Variants in STK38 observed in about 807,000 individuals in gnomAD.
STK38 encodes the protein serine/threonine-protein kinase 38.
STK38 carries 26 observed loss-of-function variants against 59.0 expected under a neutral mutation model. The observed-to-expected ratio is 0.44, with a 90% CI of 0.32 to 0.61. The LOEUF is 0.61. STK38 is among the 20% of genes least tolerant of loss of function. STK38 has a pLI of 0.04. For synonymous variants in STK38, 175 were observed against 176.6 expected, an observed-to-expected ratio of 0.99 and a Z score of 0.07; for missense variants, 433 against 566.0, an observed-to-expected ratio of 0.76 and a Z score of 2.38.
At chr6:36,538,305 A>G (rs1258304557) in intron 2 of STK38, among the ~76,000 whole-genome samples, 3 of 152,068 alleles carry the variant, frequency 2.0e-5, no homozygotes, top group Non-Finnish European at 4.4e-5. Context: ...CTCCGTCTCA[A>G]AAAAAGAAAA....
chr6:36,520,556 CAGA>C (rs963606457), intron 5 of STK38, among the ~76,000 whole-genome samples: 1 of 152,122 alleles, frequency 6.6e-6, no homozygotes, highest in Non-Finnish European at 1.5e-5. Context: ...CTAATTAATG[CAGA>C]AGCTTTATAT....
At chr6:36,504,173 G>C (rs1776906278) in intron 9 of STK38, among the ~76,000 whole-genome samples, 1 of 152,206 alleles carries the variant, frequency 6.6e-6, no homozygotes, top group Non-Finnish European at 1.5e-5. Context: ...AAATTAAACT[G>C]ACCAAGATTG....
At chr6:36,532,579 C>T (rs1335355625) in intron 2 of STK38, among the ~76,000 whole-genome samples, 4 of 152,002 alleles carry the variant, frequency 2.6e-5, no homozygotes, top group African/African-American at 9.7e-5. Context: ...AACTCAAGAC[C>T]AGCCTGGCCA....
intron 12 of STK38, among the ~76,000 whole-genome samples, chr6:36,497,486 A>ACTT (rs1192381494): frequency 6.6e-6 from 1 of 152,212 alleles, no homozygotes; most frequent in African/African-American, 2.4e-5. Flanking sequence ...GGGACCTAAG[A>ACTT]GGTTGCTGAG....
intron 2 of STK38, 36 bp from the exon 3 acceptor site, chr6:36,525,678 T>A (rs755596918): frequency 6.4e-7 from 1 of 1,561,008 alleles, no homozygotes; most frequent in Admixed American, 1.7e-5. Flanking sequence ...TGAAATCACA[T>A]CTGAATGATA....
intron 7 of STK38, among the ~76,000 whole-genome samples, chr6:36,511,732 T>A (rs1582421002): frequency 6.6e-6 from 1 of 151,978 alleles, no homozygotes; most frequent in Admixed American, 6.6e-5. Context: ...TGATTACATA[T>A]CTTACCTGGA....
chr6:36,510,932 A>C (rs1777093437), intron 7 of STK38, among the ~76,000 whole-genome samples: 1 of 152,156 alleles, frequency 6.6e-6, no homozygotes, highest in Non-Finnish European at 1.5e-5. Flanking sequence ...TGCATGTAAG[A>C]CTCCCAACAC....
At chr6:36,525,561 T>C (rs749170768) in intron 3 of STK38, 30 bp downstream of exon 3, 4 of 1,608,966 alleles carry the variant, frequency 2.5e-6, no homozygotes, top group Non-Finnish European at 3.4e-6. Context: ...CACGCTGGGT[T>C]TTAAGGAAAA....
At chr6:36,503,702 G>A (rs751923116) in intron 9 of STK38, among the ~76,000 whole-genome samples, 5 of 152,032 alleles carry the variant, frequency 3.3e-5, no homozygotes, top group Non-Finnish European at 7.4e-5. Context: ...ACTGCCAGAG[G>A]AAAAGAACTC....
At chr6:36,506,540 A>G in intron 9 of STK38, 43 bp downstream of exon 9, 3 of 1,583,188 alleles carry the variant, frequency 1.9e-6, no homozygotes, top group Non-Finnish European at 2.6e-6. Flanking sequence ...GAACTTATTC[A>G]TACTTGGTTT....
At chr6:36,504,898 C>CAAAAAAAAAAAAAAAAAAAA (rs562032331) in intron 9 of STK38, among the ~76,000 whole-genome samples, 2 of 64,070 alleles carry the variant, frequency 3.1e-5, no homozygotes, top group African/African-American at 5.9e-5. Flanking sequence ...TCCTGGCCTC[C>CAAAAAAAAAAAAAAAAAAAA]AAAAAAAAAA....
In STK38 at chr6:36,495,217, A is replaced by G. The variant is rs1345019434; in HGVS notation, c.*567T>C. ...ATAAAGTGCACCATGAATGGAGGCT[A>G]TAAGCCACTCGCCTGAGGCTGAGGT... On this transcript the variant is annotated 3_prime_UTR_variant, in exon 14 of 14. Transcript: ENST00000229812. The G allele has an allele frequency of 6.5e-6, 1 of 153,782 alleles. No homozygotes were observed. Among genetic ancestry groups the G allele is most frequent in the Non-Finnish European group, 1.5e-5 (1 of 68,866 alleles). 9.5% of individuals were successfully genotyped at this position (153,782 alleles called of 1,614,324 possible). A position where few individuals can be genotyped will look rare whatever the true frequency, so the allele number is the denominator to read the frequency against.
At position 36,506,349 on chromosome 6, in the gene STK38, G is replaced by T. The variant is rs549315841; in HGVS notation, c.834+234C>A. Reference sequence around the variant, plus strand: ...GAAAGGTATTGTTACCAAGCTAAAAGGTCAGAATGAGGTCGCCCACGGAAA... The same window carrying T: ...GAAAGGTATTGTTACCAAGCTAAAATGTCAGAATGAGGTCGCCCACGGAAA... On this transcript the variant is annotated intron_variant, in intron 9 of 13. Coordinates refer to ENST00000229812, the MANE Select transcript of STK38 (RefSeq NM_007271.4). 3.9e-5 allele frequency among the ~76,000 whole-genome samples: 6 copies of T among 152,214 alleles called. No individual in the cohort carries two copies. In the South Asian group the frequency reaches 1.2e-3, roughly 32 times the overall value.
chr6:36,502,574 GT>G (rs1776865311), intron 9 of STK38, among the ~76,000 whole-genome samples: 1 of 151,954 alleles, frequency 6.6e-6, no homozygotes, highest in Admixed American at 6.6e-5. Context: ...TAATGAAGTA[GT>G]ATTTGTTACC....
intron 2 of STK38, among the ~76,000 whole-genome samples, chr6:36,535,023 A>G (rs1582459187): frequency 6.6e-6 from 1 of 152,344 alleles, no homozygotes; most frequent in Non-Finnish European, 1.5e-5. Context: ...TATTAGCAGC[A>G]AACAACTGGA....
rs1420650259 is a variant in STK38 at position 36,502,202 on chromosome 6, G to A, written c.835-2212C>T. ...CTGTCACCCGGGCTGGAGTGCAGTG[G>A]TATGATCATAGCTCACTGCAGCCTT... On this transcript the variant is annotated intron_variant, in intron 9 of 13. Transcript: ENST00000229812. Among the ~76,000 whole-genome samples the A allele has an allele frequency of 3.3e-5, 5 of 152,074 alleles. No individual in the cohort carries two copies. In the East Asian group the frequency reaches 9.6e-4, roughly 29 times the overall value.
At chr6:36,542,562 T>C (rs1214777232) in intron 1 of STK38, among the ~76,000 whole-genome samples, 1 of 152,194 alleles carries the variant, frequency 6.6e-6, no homozygotes, top group African/African-American at 2.4e-5. Context: ...GCAGAATTGC[T>C]TGAATTGGGA....
chr6:36,524,515 A>ACTCTG lies in STK38; in HGVS notation c.184-57_184-53dup, dbSNP rs779324351. On this transcript the variant is annotated intron_variant, in intron 3 of 13. Transcript: ENST00000229812. ...GACGGGAAGGAACTGAAATTCTGAAACTCTGTAACAAGTCATGTTTGTGAC... is the reference window on the plus strand; with the variant it reads ...GACGGGAAGGAACTGAAATTCTGAAACTCTGCTCTGTAACAAGTCATGTTTGTGAC... 5.2e-6 allele frequency: 8 copies of ACTCTG among 1,552,182 alleles called. No homozygotes were observed. In the South Asian group the frequency reaches 9.8e-5, roughly 19 times the overall value.
At chr6:36,523,689 A>G (rs1041261301) in intron 4 of STK38, among the ~76,000 whole-genome samples, 6 of 152,212 alleles carry the variant, frequency 3.9e-5, no homozygotes, top group African/African-American at 9.6e-5. Context: ...GCTCTCCCCA[A>G]CAGATTGCTC....
Sources: allele counts gnomAD v4.1 joint callset (sites outside exome capture counted in the v4.1 genomes callset), GRCh38; gene constraint gnomAD v4.1.1; transcripts MANE v1.5; gene names NCBI Gene and HGNC (gene_info 2026-07-23, HGNC 2026-07-21).